The following SYNJ2 variants were observed in gnomAD, a reference collection of about 807,000 sequenced individuals.
SYNJ2 encodes the protein polyphosphatidylinositol phosphatase SYNJ2.
A neutral mutation model predicts 141.3 loss-of-function variants in SYNJ2; 116 were observed. The ratio of observed to expected loss-of-function variants is 0.82; its 90% CI spans 0.71 to 0.96. The LOEUF (loss-of-function observed/expected upper bound fraction) is 0.96. SYNJ2 is among the 40% of genes least tolerant of loss of function. The probability of loss-of-function intolerance (pLI) is 0.00; values close to 1 mark genes in which losing one functional copy is unlikely to be tolerated. For missense variants in SYNJ2, 1,873 were observed against 1,934.8 expected, an observed-to-expected ratio of 0.97 and a Z score of 0.60; for synonymous variants, 745 against 777.7, an observed-to-expected ratio of 0.96 and a Z score of 0.70.
intron 1 of SYNJ2, among the ~76,000 whole-genome samples, chr6:158,004,421 A>G: frequency 6.6e-6 from 1 of 152,216 alleles, no homozygotes; most frequent in East Asian, 1.9e-4. Context: ...ATGTATTAGC[A>G]TGCTAAGAGA....
chr6:158,045,420 A>G (rs28670865), intron 5 of SYNJ2, among the ~76,000 whole-genome samples: 1 of 152,096 alleles, frequency 6.6e-6, no homozygotes, highest in Non-Finnish European at 1.5e-5. Flanking sequence ...AGGCCAGTTC[A>G]GGGATCCTCT....
chr6:158,054,356 T>G (rs1780750833), intron 5 of SYNJ2, among the ~76,000 whole-genome samples: 1 of 152,256 alleles, frequency 6.6e-6, no homozygotes, highest in South Asian at 2.1e-4. Context: ...GAATTTCTAT[T>G]TTATTCATCA....
chr6:158,082,576 C>T (rs1480274161), intron 20 of SYNJ2, among the ~76,000 whole-genome samples: 2 of 151,544 alleles, frequency 1.3e-5, no homozygotes, highest in African/African-American at 2.4e-5. Flanking sequence ...GCAGGAGAAT[C>T]GCTTGAACCT....
intron 7 of SYNJ2, among the ~76,000 whole-genome samples, chr6:158,059,901 A>C (rs1338306645): frequency 1.8e-4 from 28 of 152,254 alleles, no homozygotes; most frequent in Admixed American, 1.7e-3. Context: ...AATTTGCTCA[A>C]AGTCAAAACA....
Position 158,071,732 on chromosome 6 carries a change from T to C in SYNJ2, c.2071T>C (p.Ser691Pro). The change falls in exon 15 of 27, where the codon TCC (serine) becomes CCC (proline). Residue 691 changes from serine (S) to proline (P), a missense_variant. By Grantham distance (74) the Ser-to-Pro change is moderately conservative (BLOSUM62 -1). Transcript: ENST00000355585. This position sits in a 1 kb window ranked among gnomAD's most constrained non-coding sequence, Gnocchi z 4.3. ...ATGTAGTCACCTGACGGCCGGGCAG[T>C]CCCAGGTGAAGGAGCGGAATGAAGA... ...FICSHLTAGQ[S>P]QVKERNEDYK... is the part of the protein sequence containing the mutation. 6.2e-7 allele frequency: 1 copy of C among 1,613,912 alleles called. No individual in the cohort carries two copies.
intron 6 of SYNJ2, among the ~76,000 whole-genome samples, chr6:158,055,808 G>A (rs903683723): frequency 1.3e-5 from 2 of 152,114 alleles, no homozygotes; most frequent in Non-Finnish European, 2.9e-5. Flanking sequence ...TGTCATATGA[G>A]CCCAGATGTG....
intron 16 of SYNJ2, among the ~76,000 whole-genome samples, chr6:158,075,566 G>C (rs894022880): frequency 1.8e-4 from 28 of 151,778 alleles, no homozygotes; most frequent in African/African-American, 6.3e-4. Flanking sequence ...GCTTGAACCT[G>C]GGAGGCGGAA....
intron 18 of SYNJ2, among the ~76,000 whole-genome samples, chr6:158,080,320 CA>C (rs1454440812): frequency 1.3e-4 from 20 of 151,916 alleles, no homozygotes; most frequent in Non-Finnish European, 2.8e-4. Context: ...ACCAAAAATA[CA>C]AAAATTAGCT....
chr6:158,092,141 G>GT (rs983561440), intron 25 of SYNJ2, among the ~76,000 whole-genome samples: 1 of 151,614 alleles, frequency 6.6e-6, no homozygotes, highest in African/African-American at 2.4e-5. Flanking sequence ...AGATGTAGAT[G>GT]TTAGTAGAGG....
chr6:158,089,972 G>GA (rs769481255), intron 25 of SYNJ2, 25 bp downstream of exon 25: 3 of 1,531,660 alleles, frequency 2.0e-6, no homozygotes, highest in Admixed American at 1.7e-5. Flanking sequence ...GGGGGCAGGG[G>GA]AAAAACCAAT....
chr6:157,981,618 C>T (rs1207958587), upstream of SYNJ2, among the ~76,000 whole-genome samples: 1 of 152,048 alleles, frequency 6.6e-6, no homozygotes, highest in Admixed American at 6.5e-5. This position sits in a 1 kb window ranked among gnomAD's most constrained non-coding sequence, Gnocchi z 6.4. Context: ...CGCGGGGCAT[C>T]CTCCTCCGCA....
chr6:158,089,197 A>T (rs1783273602), intron 24 of SYNJ2, among the ~76,000 whole-genome samples: 1 of 152,192 alleles, frequency 6.6e-6, no homozygotes. Context: ...TGGGGAACAC[A>T]CTAGGAAGAC....
At chr6:158,005,639 C>T (rs1419451333) in intron 1 of SYNJ2, among the ~76,000 whole-genome samples, 8 of 152,062 alleles carry the variant, frequency 5.3e-5, no homozygotes, top group Admixed American at 3.3e-4. Context: ...ACGGGCAGAG[C>T]GTACCATCAG....
intron 1 of SYNJ2, among the ~76,000 whole-genome samples, chr6:158,013,757 G>A (rs1778353522): frequency 6.6e-6 from 1 of 152,206 alleles, no homozygotes; most frequent in African/African-American, 2.4e-5. Context: ...CAGCCTCTTG[G>A]TGTAAACGAG....
chr6:158,049,893 C>T (rs529757540), intron 5 of SYNJ2, among the ~76,000 whole-genome samples: 11 of 149,800 alleles, frequency 7.3e-5, no homozygotes, highest in Admixed American at 2.0e-4. Flanking sequence ...GGTATGCCTG[C>T]GGCTCTGCAG....
chr6:157,986,337 G>C (rs571281358), intron 1 of SYNJ2, among the ~76,000 whole-genome samples: 1 of 152,076 alleles, frequency 6.6e-6, no homozygotes, highest in Non-Finnish European at 1.5e-5. Flanking sequence ...TGCTTCTCCC[G>C]CGGGTTTTGT....
chr6:158,002,589 A>G (rs546871386), intron 1 of SYNJ2, among the ~76,000 whole-genome samples: 1 of 152,358 alleles, frequency 6.6e-6, no homozygotes, highest in Non-Finnish European at 1.5e-5. Flanking sequence ...TGATTGTGCA[A>G]GGCAGTGCAG....
chr6:157,986,045 T>C (rs1260490031), intron 1 of SYNJ2, among the ~76,000 whole-genome samples: 7 of 152,212 alleles, frequency 4.6e-5, no homozygotes, highest in Non-Finnish European at 1.0e-4. Context: ...CTAGATCACT[T>C]TCTCAGGCAT....
rs1781563715 is a variant in SYNJ2 at position 158,066,358 on chromosome 6, T to C, written c.1526-86T>C. 5 of 1,487,512 alleles carry C rather than the reference T, an allele frequency of 3.4e-6. No individual in the cohort carries two copies. The South Asian group carries it at 6.0e-5, about 18-fold the overall frequency. 92.1% of individuals were successfully genotyped at this position (1,487,512 alleles called of 1,614,324 possible). A position where few individuals can be genotyped will look rare whatever the true frequency, so the allele number is the denominator to read the frequency against. ...TCTAGAGGCTCATGAACCATCTGTC[T>C]CTGCCAGGCAGCCTCATCTGTCTTT... On this transcript the variant is annotated intron_variant, in intron 11 of 26. Coordinates refer to ENST00000355585, the MANE Select transcript of SYNJ2 (RefSeq NM_003898.4).
Sources: gnomAD v4.1 joint callset for allele counts (sites outside exome capture counted in the v4.1 genomes callset) on GRCh38, gnomAD v4.1.1 for gene constraint, Gnocchi (gnomAD v3.1) non-coding constraint, MANE v1.5 for transcripts, NCBI Gene and HGNC (gene_info 2026-07-23, HGNC 2026-07-21) for gene names.